ASIC2: variants seen among roughly 807,000 people sequenced by gnomAD.
ASIC2 encodes acid sensing ion channel subunit 2.
In ASIC2, 25 loss-of-function variants were observed where a neutral mutation model predicts 57.3. The observed-to-expected ratio is 0.44, with a 90% CI of 0.32 to 0.61. The LOEUF is 0.61. Among genes scored for constraint, ASIC2 ranks in the 20% least tolerant of loss-of-function variants. The pLI, the probability that ASIC2 is intolerant of heterozygous loss-of-function variation, is 0.06. For missense variants in ASIC2, 641 were observed against 738.1 expected (o/e 0.87, Z 1.52); for synonymous variants, 319 against 307.5 (o/e 1.04, Z -0.39).
intron 1 of ASIC2, among the ~76,000 whole-genome samples, chr17:34,042,676 C>T (rs1378115514): frequency 1.3e-5 from 2 of 152,116 alleles, no homozygotes; most frequent in African/African-American, 2.4e-5. Flanking sequence ...CCGAACTTAT[C>T]AAATTGTATA....
At chr17:33,039,291 C>T (rs1445734562) in intron 3 of ASIC2, among the ~76,000 whole-genome samples, 3 of 152,100 alleles carry the variant, frequency 2.0e-5, no homozygotes, top group East Asian at 3.9e-4. Flanking sequence ...TGGGGGTATC[C>T]CTGAGGGTTC....
chr17:33,981,124 TG>T (rs1905605556), intron 1 of ASIC2, among the ~76,000 whole-genome samples: 1 of 151,918 alleles, frequency 6.6e-6, no homozygotes, highest in Non-Finnish European at 1.5e-5. Flanking sequence ...TCATTTTTTT[TG>T]TATTTTAGTA....
chr17:33,495,566 C>A (rs945024414), intron 1 of ASIC2, among the ~76,000 whole-genome samples: 2 of 152,184 alleles, frequency 1.3e-5, no homozygotes, highest in African/African-American at 4.8e-5. Flanking sequence ...GTGCCTGTTT[C>A]CTATTGAGTT....
At chr17:34,010,305 G>A (rs768367016) in intron 1 of ASIC2, among the ~76,000 whole-genome samples, 2 of 152,128 alleles carry the variant, frequency 1.3e-5, no homozygotes, top group African/African-American at 4.8e-5. Context: ...ACCCAAATGA[G>A]CACTGGTAAA....
intron 1 of ASIC2, among the ~76,000 whole-genome samples, chr17:33,309,616 TCTC>T (rs956617981): frequency 6.6e-6 from 1 of 151,986 alleles, no homozygotes; most frequent in African/African-American, 2.4e-5. Flanking sequence ...CCTCCTCTCT[TCTC>T]CTAATGTGTT....
chr17:33,946,585 C>T (rs187329706), intron 1 of ASIC2, among the ~76,000 whole-genome samples: 6 of 152,258 alleles, frequency 3.9e-5, no homozygotes, highest in East Asian at 1.9e-4. Context: ...TAGAAATGAA[C>T]GAGACATGTT....
chr17:33,653,049 A>T (rs1906971519), intron 1 of ASIC2, among the ~76,000 whole-genome samples: 1 of 152,244 alleles, frequency 6.6e-6, no homozygotes, highest in Admixed American at 6.5e-5. Flanking sequence ...GTTCTAAAAA[A>T]GATAATAATA....
At chr17:33,156,252 C>G (rs1023925711) in intron 1 of ASIC2, among the ~76,000 whole-genome samples, 4 of 151,610 alleles carry the variant, frequency 2.6e-5, no homozygotes, top group Non-Finnish European at 4.4e-5. Flanking sequence ...CTCAGCCTCC[C>G]TAGTAGCTGG....
chr17:33,617,696 A>G (rs1181282495), intron 1 of ASIC2, among the ~76,000 whole-genome samples: 1 of 152,226 alleles, frequency 6.6e-6, no homozygotes, highest in African/African-American at 2.4e-5. Flanking sequence ...ATGTTTTTAT[A>G]TGAAATAAAT....
At chr17:33,190,942 G>A (rs1464212223) in intron 1 of ASIC2, among the ~76,000 whole-genome samples, 2 of 152,132 alleles carry the variant, frequency 1.3e-5, no homozygotes, top group Non-Finnish European at 2.9e-5. Context: ...AAGTGCATAC[G>A]TACCAAAGAA....
chr17:33,166,320 C>T (rs1260304120), intron 1 of ASIC2, among the ~76,000 whole-genome samples: 1 of 152,184 alleles, frequency 6.6e-6, no homozygotes, highest in East Asian at 1.9e-4. Flanking sequence ...AATGTTACTT[C>T]CTTTGCTGTC....
intron 1 of ASIC2, among the ~76,000 whole-genome samples, chr17:33,905,041 T>G (rs1203051013): frequency 6.6e-6 from 1 of 152,130 alleles, no homozygotes; most frequent in Non-Finnish European, 1.5e-5. Context: ...AGGCTTGGTA[T>G]TCCATCATTG....
At chr17:34,051,854 CA>C (rs1908571078) in intron 1 of ASIC2, 1 of 111,172 alleles carries the variant, frequency 9.0e-6, no homozygotes, top group East Asian at 2.3e-4. Context: ...CACATACACA[CA>C]CACAGAGAGA....
intron 1 of ASIC2, among the ~76,000 whole-genome samples, chr17:33,246,230 G>T (rs957348349): frequency 6.6e-6 from 1 of 152,074 alleles, no homozygotes; most frequent in African/African-American, 2.4e-5. Flanking sequence ...TGTGGTGGTG[G>T]GGGGAAGGGA....
At chr17:33,153,951 A>G (rs1209900467) in intron 1 of ASIC2, among the ~76,000 whole-genome samples, 6 of 152,106 alleles carry the variant, frequency 3.9e-5, no homozygotes, top group African/African-American at 1.4e-4. Flanking sequence ...CTGGCAAATC[A>G]CAGTTTGACT....
At chr17:34,063,850 A>T (rs1390434124) in intron 1 of ASIC2, among the ~76,000 whole-genome samples, 1 of 152,198 alleles carries the variant, frequency 6.6e-6, no homozygotes, top group Non-Finnish European at 1.5e-5. Flanking sequence ...GGAAAACTAC[A>T]AAACACTGCT....
At chr17:33,091,772 T>C (rs1379263000) in intron 2 of ASIC2, among the ~76,000 whole-genome samples, 2 of 152,060 alleles carry the variant, frequency 1.3e-5, no homozygotes, top group African/African-American at 2.4e-5. Flanking sequence ...GAGCAGGTGA[T>C]AGGTAAGGTT....
chr17:33,214,367 C>T (rs377996), intron 1 of ASIC2, among the ~76,000 whole-genome samples: 106,655 of 152,002 alleles, frequency 0.7, 37,687 homozygotes, highest in Non-Finnish European at 0.75. Context: ...TTCTCAGTGG[C>T]TGCAGCCTCC....
At chr17:34,099,721 AGAAG>A (rs1242662497) in intron 1 of ASIC2, among the ~76,000 whole-genome samples, 5 of 123,234 alleles carry the variant, frequency 4.1e-5, no homozygotes, top group East Asian at 2.7e-4. Context: ...AAAGAAAGAA[AGAAG>A]GAAAGAAGGA....
Sources: gnomAD v4.1 joint callset for allele counts (sites outside exome capture counted in the v4.1 genomes callset) on GRCh38, gnomAD v4.1.1 for gene constraint, MANE v1.5 for transcripts, NCBI Gene and HGNC (gene_info 2026-07-23, HGNC 2026-07-21) for gene names.